The following TGFBR3 variants were observed in gnomAD, a reference collection of about 807,000 sequenced individuals.
TGFBR3 encodes transforming growth factor beta receptor type 3.
Under a neutral mutation model 87.9 loss-of-function variants are expected in TGFBR3, and 46 were observed. The observed-to-expected ratio is 0.52, with a 90% confidence interval of 0.41 to 0.67. The LOEUF (loss-of-function observed/expected upper bound fraction) is 0.67. Ranked by LOEUF, TGFBR3 falls within the 30% of genes least tolerant of loss-of-function variation. TGFBR3 has a pLI of 0.00. For synonymous variants in TGFBR3, 381 were observed against 391.6 expected (o/e 0.97, Z 0.32); for missense variants, 866 against 1,041.9 (o/e 0.83, Z 2.32).
intron 2 of TGFBR3, among the ~76,000 whole-genome samples, chr1:91,812,094 C>A (rs1388759980): frequency 6.6e-6 from 1 of 152,188 alleles, no homozygotes; most frequent in Non-Finnish European, 1.5e-5. Context: ...AGCTCTAATA[C>A]TTGCAAATGG....
At chr1:91,878,693 T>C (rs1571598403) in intron 1 of TGFBR3, among the ~76,000 whole-genome samples, 1 of 152,176 alleles carries the variant, frequency 6.6e-6, no homozygotes, top group East Asian at 1.9e-4. Flanking sequence ...TAAAGATCAT[T>C]TTTCAAGGAC....
intron 14 of TGFBR3, among the ~76,000 whole-genome samples, chr1:91,704,334 A>AC (rs1296206579): frequency 5.3e-5 from 8 of 151,810 alleles, no homozygotes; most frequent in South Asian, 2.1e-4. Flanking sequence ...TCTCAAAAAA[A>AC]AAAAAAAAAG....
chr1:91,722,481 T>C (rs1474385860), intron 7 of TGFBR3, among the ~76,000 whole-genome samples: 1 of 103,514 alleles, frequency 9.7e-6, no homozygotes, highest in Middle Eastern at 4.4e-3. Context: ...ACACAGTACA[T>C]ATGTATAATA....
intron 3 of TGFBR3, among the ~76,000 whole-genome samples, chr1:91,785,669 C>T (rs753769871): frequency 1.3e-5 from 2 of 152,076 alleles, no homozygotes; most frequent in Admixed American, 6.6e-5. Flanking sequence ...CTCAACAACA[C>T]TAATTTGACT....
chr1:91,875,626 G>A (rs966448630), intron 1 of TGFBR3, among the ~76,000 whole-genome samples: 5 of 152,108 alleles, frequency 3.3e-5, no homozygotes, highest in Middle Eastern at 3.4e-3. Flanking sequence ...TGTGGCTCAC[G>A]TCTATATTCC....
At chr1:91,741,831 T>C (rs943703933) in intron 4 of TGFBR3, among the ~76,000 whole-genome samples, 21 of 152,166 alleles carry the variant, frequency 1.4e-4, no homozygotes, top group African/African-American at 5.1e-4. Context: ...AGTAACTTTC[T>C]ACCCTCCCAG....
Position 91,766,212 on chromosome 1 carries a change from T to TTC in TGFBR3, c.247-7463_247-7462insGA, listed in dbSNP as rs1674178955. 4.7e-5 allele frequency among the ~76,000 whole-genome samples: 7 copies of TTC among 148,556 alleles called. 1 individual carries two copies. The South Asian group carries it at 1.5e-3, about 32-fold the overall frequency. On this transcript the variant is annotated intron_variant, in intron 3 of 16. Coordinates refer to ENST00000212355, the MANE Select transcript of TGFBR3 (RefSeq NM_003243.5). ...AAGTTTGTTTTCTTTTTTTTTTTTT[T>TTC]TTTTTGTAGAGACAGGGTCTTGCTA...
chr1:91,828,615 G>A (rs537875164), intron 2 of TGFBR3, among the ~76,000 whole-genome samples: 1 of 152,186 alleles, frequency 6.6e-6, no homozygotes, highest in Non-Finnish European at 1.5e-5. Flanking sequence ...AGAAACGGAG[G>A]TGCAAGTGAA....
intron 2 of TGFBR3, among the ~76,000 whole-genome samples, chr1:91,847,406 C>A (rs1183076656): frequency 6.6e-6 from 1 of 151,894 alleles, no homozygotes; most frequent in Non-Finnish European, 1.5e-5. Flanking sequence ...GAGTTCGAGA[C>A]CAGCCTGAGC....
At chr1:91,757,704 T>C (rs986203596) in intron 4 of TGFBR3, among the ~76,000 whole-genome samples, 2 of 152,212 alleles carry the variant, frequency 1.3e-5, no homozygotes, top group African/African-American at 4.8e-5. Flanking sequence ...GATTCTTACA[T>C]TATTCAACAA....
chr1:91,900,013 C>A (rs1052215259), intron 1 of TGFBR3, among the ~76,000 whole-genome samples: 2 of 151,994 alleles, frequency 1.3e-5, no homozygotes, highest in Non-Finnish European at 2.9e-5. Context: ...GCACAGTTGA[C>A]TTGAATTTTG....
At chr1:91,896,815 A>G (rs1679561245) in intron 2 of TGFBR3, among the ~76,000 whole-genome samples, 1 of 152,150 alleles carries the variant, frequency 6.6e-6, no homozygotes, top group Admixed American at 6.5e-5. Flanking sequence ...GAGAAGGAAA[A>G]GTAAACAAGT....
chr1:91,803,188 C>T (rs1557719249), intron 2 of TGFBR3, among the ~76,000 whole-genome samples: 1 of 152,190 alleles, frequency 6.6e-6, no homozygotes, highest in South Asian at 2.1e-4. Context: ...TCTCATTCCT[C>T]GGACACTTGC....
intron 2 of TGFBR3, among the ~76,000 whole-genome samples, chr1:91,798,526 TC>T (rs757556556): frequency 8.5e-5 from 13 of 152,080 alleles, no homozygotes; most frequent in South Asian, 2.1e-4. Context: ...AAATTCCTCT[TC>T]CACTCTCACT....
intron 2 of TGFBR3, among the ~76,000 whole-genome samples, chr1:91,846,661 G>A (rs1021347178): frequency 6.6e-6 from 1 of 151,910 alleles, no homozygotes; most frequent in Non-Finnish European, 1.5e-5. Context: ...ACCCCATCCT[G>A]TCACCCCCGA....
Position 91,885,899 on chromosome 1 carries a change from G to A in TGFBR3, c.-135C>T. ...GTACCTCGGAGGCGGTGTGTCCAGC[G>A]GAGATCCACCCGCAGCAAGTTGGAG... On this transcript the variant is annotated 5_prime_UTR_variant, in exon 1 of 17. Coordinates refer to ENST00000212355, the MANE Select transcript of TGFBR3 (RefSeq NM_003243.5). The A allele has an allele frequency of 2.4e-6, 1 of 424,120 alleles. No individual in the cohort carries two copies. Among genetic ancestry groups the A allele is most frequent in the Non-Finnish European group, 4.7e-6 (1 of 211,670 alleles). 26.3% of individuals were successfully genotyped at this position (424,120 alleles called of 1,614,324 possible).
intron 1 of TGFBR3, among the ~76,000 whole-genome samples, chr1:91,901,550 T>TTATATTATAATATATATATATA (rs1288944715): frequency 5.3e-5 from 8 of 152,188 alleles, no homozygotes; most frequent in African/African-American, 1.9e-4. Context: ...TTGTATACTA[T>TTATATTATAATATATATATATA]TATATATTAT....
At chr1:91,871,858 G>T (rs770117620) in intron 1 of TGFBR3, among the ~76,000 whole-genome samples, 2 of 152,134 alleles carry the variant, frequency 1.3e-5, no homozygotes, top group Non-Finnish European at 1.5e-5. Context: ...CTTACTTAAA[G>T]CTCCATGCCT....
chr1:91,850,101 A>AAAAG (rs1553172941), intron 2 of TGFBR3, among the ~76,000 whole-genome samples: 1,458 of 138,150 alleles, frequency 0.011, 14 homozygotes, highest in East Asian at 0.026. Flanking sequence ...AAAAAAAAAA[A>AAAAG]AAAGAAAGAA....
Sources: gnomAD v4.1 joint callset for allele counts (sites outside exome capture counted in the v4.1 genomes callset) on GRCh38, gnomAD v4.1.1 for gene constraint, MANE v1.5 for transcripts, NCBI Gene and HGNC (gene_info 2026-07-23, HGNC 2026-07-21) for gene names.